Variants in NCK2 observed in about 807,000 individuals in gnomAD.
NCK2 encodes NCK adaptor protein 2.
Under a neutral mutation model 33.9 loss-of-function variants are expected in NCK2, and 16 were observed. The observed-to-expected ratio is 0.47, with a 90% CI of 0.32 to 0.72. The LOEUF is 0.72. NCK2 is among the 30% of genes least tolerant of loss of function. The pLI, the probability that NCK2 is intolerant of heterozygous loss-of-function variation, is 0.03. For synonymous variants in NCK2, 273 were observed against 239.9 expected (o/e 1.14, Z -1.27); for missense variants, 418 against 537.3 (o/e 0.78, Z 2.19).
At chr2:105,834,076 G>A (rs954020374) in intron 2 of NCK2, among the ~76,000 whole-genome samples, 5 of 152,190 alleles carry the variant, frequency 3.3e-5, no homozygotes, top group African/African-American at 1.2e-4. Flanking sequence ...AAATCCTAGA[G>A]AATGTCCCAT....
chr2:105,835,388 C>CGTATATATATACGTATATATAT, intron 2 of NCK2, among the ~76,000 whole-genome samples: 1 of 52,114 alleles, frequency 1.9e-5, no homozygotes, highest in Non-Finnish European at 3.5e-5. Flanking sequence ...TATATATACA[C>CGTATATATATACGTATATATAT]ATATATATAT....
intron 3 of NCK2, among the ~76,000 whole-genome samples, chr2:105,874,727 A>C (rs1425900011): frequency 6.6e-6 from 1 of 152,246 alleles, no homozygotes; most frequent in Non-Finnish European, 1.5e-5. Context: ...CTGTTACAAC[A>C]TCTCTTCATC....
chr2:105,889,492 G>A (rs1187546490), intron 4 of NCK2, among the ~76,000 whole-genome samples: 3 of 151,982 alleles, frequency 2.0e-5, no homozygotes, highest in African/African-American at 2.4e-5. Flanking sequence ...GGTGCTGGAG[G>A]TTAAAACACA....
intron 2 of NCK2, among the ~76,000 whole-genome samples, chr2:105,833,390 C>T (rs1007002734): frequency 4.6e-5 from 7 of 152,118 alleles, no homozygotes; most frequent in Admixed American, 2.0e-4. Flanking sequence ...TGCACCCAGC[C>T]AGGTTTTCTA....
At chr2:105,878,139 C>T (rs183446971) in intron 3 of NCK2, among the ~76,000 whole-genome samples, 1 of 152,278 alleles carries the variant, frequency 6.6e-6, no homozygotes, top group South Asian at 2.1e-4. Context: ...AGGACTTTGG[C>T]CCTCTTTTGG....
chr2:105,757,138 C>A lies in NCK2; in HGVS notation c.-201+12000C>A, dbSNP rs13414057. Among the ~76,000 whole-genome samples, 3 of 152,160 alleles carry A rather than the reference C, an allele frequency of 2.0e-5. No individual in the cohort carries two copies. The East Asian group carries it at 5.8e-4, about 29-fold the overall frequency. The stretch of plus-strand genomic sequence containing the variant: ...AACTTTATTAATGGCTCATGTAAAT[C>A]TGAACTTCAACAATCTTGATTCTTA... On this transcript the variant is annotated intron_variant, in intron 1 of 4. Coordinates refer to ENST00000233154, the MANE Select transcript of NCK2 (RefSeq NM_003581.5).
intron 3 of NCK2, chr2:105,857,047 T>TTTTTTTTA (rs1553460690): frequency 1.5e-5 from 2 of 130,792 alleles, no homozygotes; most frequent in African/African-American, 5.7e-5. Flanking sequence ...TTTTTTTTTT[T>TTTTTTTTA]TTGTATTTAC....
At position 105,892,979 on chromosome 2, in the gene NCK2, C is replaced by T; in HGVS notation, c.949-3C>T. 1 of 1,603,764 alleles carries T rather than the reference C, an allele frequency of 6.2e-7. No individual in the cohort carries two copies. The highest frequency in any genetic ancestry group is 8.5e-7 in the Non-Finnish European group (1 of 1,171,606). ...CTGTAACTGTGTTCTGTTTCCTCCC[C>T]AGCCCAGCGACTTCTCCGTGTCCCT... On this transcript the variant is annotated splice_polypyrimidine_tract_variant and splice_region_variant and intron_variant, in intron 4 of 4. Coordinates refer to ENST00000233154, the MANE Select transcript of NCK2 (RefSeq NM_003581.5).
chr2:105,758,172 A>G (rs1689652781), intron 1 of NCK2, among the ~76,000 whole-genome samples: 1 of 152,156 alleles, frequency 6.6e-6, no homozygotes, highest in Non-Finnish European at 1.5e-5. Flanking sequence ...GTAGCACACT[A>G]ATACTTCCTT....
chr2:105,774,918 G>A (rs1352444860), intron 1 of NCK2, among the ~76,000 whole-genome samples: 1 of 150,426 alleles, frequency 6.6e-6, no homozygotes, highest in Non-Finnish European at 1.5e-5. Flanking sequence ...ACCAGTCCAG[G>A]CACCGGTGGC....
intron 2 of NCK2, among the ~76,000 whole-genome samples, chr2:105,826,313 C>T (rs1036089722): frequency 2.6e-5 from 4 of 152,168 alleles, no homozygotes; most frequent in Admixed American, 6.5e-5. Context: ...TCAATTACCT[C>T]CACTGGTCTG....
At chr2:105,783,693 A>G (rs1386068631) in intron 1 of NCK2, among the ~76,000 whole-genome samples, 1 of 152,128 alleles carries the variant, frequency 6.6e-6, no homozygotes, top group Non-Finnish European at 1.5e-5. Flanking sequence ...GCCCTACATA[A>G]ATGTATTCAG....
chr2:105,774,591 C>T (rs992823654), intron 1 of NCK2, among the ~76,000 whole-genome samples: 1 of 152,040 alleles, frequency 6.6e-6, no homozygotes, highest in Non-Finnish European at 1.5e-5. Context: ...GTGTCCACTG[C>T]AGGTCTGGTC....
At chr2:105,814,094 T>G (rs924250728) in intron 1 of NCK2, among the ~76,000 whole-genome samples, 1 of 152,258 alleles carries the variant, frequency 6.6e-6, no homozygotes, top group Non-Finnish European at 1.5e-5. Context: ...GTGTATACTT[T>G]CCTGATGGAT....
intron 4 of NCK2, among the ~76,000 whole-genome samples, chr2:105,883,554 T>C (rs1488560461): frequency 6.6e-6 from 1 of 152,164 alleles, no homozygotes; most frequent in Non-Finnish European, 1.5e-5. Flanking sequence ...GGAAAGACTT[T>C]AGAGGGTAGA....
intron 3 of NCK2, among the ~76,000 whole-genome samples, chr2:105,861,650 G>T (rs1677539898): frequency 6.6e-6 from 1 of 151,832 alleles, no homozygotes; most frequent in Admixed American, 6.6e-5. Context: ...TAGTAGCTGG[G>T]ACTACAGGTG....
intron 1 of NCK2, among the ~76,000 whole-genome samples, chr2:105,802,147 G>C (rs899126914): frequency 3.3e-5 from 5 of 152,188 alleles, no homozygotes; most frequent in African/African-American, 7.2e-5. Context: ...CCATCTGGGA[G>C]TGAGCCAGGA....
chr2:105,847,101 G>A (rs749752785), intron 2 of NCK2: 1 of 152,178 alleles, frequency 6.6e-6, no homozygotes, highest in South Asian at 2.1e-4. Flanking sequence ...GAGGTACCTG[G>A]AGTTGTCAAA....
At chr2:105,807,706 TTTCCTTCCTTCC>T (rs796424750) in intron 1 of NCK2, among the ~76,000 whole-genome samples, 4 of 148,242 alleles carry the variant, frequency 2.7e-5, no homozygotes, top group African/African-American at 7.5e-5. Flanking sequence ...TCTTTTCTTT[TTTCCTTCCTTCC>T]TTCCTTCCTT....
Sources: allele counts gnomAD v4.1 joint callset (sites outside exome capture counted in the v4.1 genomes callset), GRCh38; gene constraint gnomAD v4.1.1; transcripts MANE v1.5; gene names NCBI Gene and HGNC (gene_info 2026-07-23, HGNC 2026-07-21).